Variants in CFAP54 observed in about 807,000 individuals in gnomAD.
CFAP54 encodes cilia- and flagella-associated protein 54.
A neutral mutation model predicts 370.4 loss-of-function variants in CFAP54; 290 were observed. The ratio of observed to expected loss-of-function variants is 0.78; its 90% CI spans 0.71 to 0.86. The LOEUF is 0.86. Ranked by LOEUF, CFAP54 falls within the 40% of genes least tolerant of loss-of-function variation. The pLI, the probability that CFAP54 is intolerant of heterozygous loss-of-function variation, is 0.00. For missense variants in CFAP54, 3,399 were observed against 3,528.7 expected (o/e 0.96, Z 0.93); for synonymous variants, 1,206 against 1,236.5 (o/e 0.98, Z 0.52).
At chr12:96,548,623 A>G (rs995219316) in intron 15 of CFAP54, among the ~76,000 whole-genome samples, 27 of 152,180 alleles carry the variant, frequency 1.8e-4, no homozygotes, top group East Asian at 5.8e-4. Flanking sequence ...GGGGATGCCA[A>G]CTGAGTACTT....
intron 67 of CFAP54, among the ~76,000 whole-genome samples, chr12:96,865,736 C>T (rs991635325): frequency 3.3e-5 from 5 of 152,048 alleles, no homozygotes; most frequent in African/African-American, 4.8e-5. Context: ...GTTATTGGCT[C>T]GCCTATCAGT....
In CFAP54 at chr12:96,708,702, A is replaced by C. The variant is rs753274365; in HGVS notation, c.6623A>C (p.Tyr2208Ser). Residue 2208 changes from tyrosine to serine, a missense_variant, in exon 48 of 68, where the codon TAC (tyrosine) becomes TCC (serine). By Grantham distance (144) the Tyr-to-Ser change is moderately radical (BLOSUM62 -2). Transcript: ENST00000524981. The stretch of plus-strand genomic sequence containing the variant: ...AATAAGTTTAATTTTGTTAAAGCAT[A>C]CTTTTTCCTAAGTGTGGCTGCGACA... ...LLNKFNFVKA[Y>S]FFLSVAATIN... is the part of the protein sequence containing the mutation. The C allele has an allele frequency of 1.2e-6, 2 of 1,612,336 alleles. No homozygotes were observed. Among genetic ancestry groups the C allele is most frequent in the South Asian group, 1.1e-5 (1 of 90,396 alleles).
In CFAP54 at chr12:96,558,030, A is replaced by G. The variant is rs12297759; in HGVS notation, c.2410+3228A>G. Among the ~76,000 whole-genome samples the G allele has an allele frequency of 9.5e-3, 1,441 of 152,234 alleles. 12 individuals are homozygous for G. Among genetic ancestry groups the G allele is most frequent in the Middle Eastern group, 0.024 (7 of 294 alleles). On this transcript the variant is annotated intron_variant, in intron 17 of 67. Coordinates refer to ENST00000524981, the MANE Select transcript of CFAP54 (RefSeq NM_001306084.2). ...AAAAGAATGACCTTGAGTTTAGGAC[A>G]GTGGTTCCTTTGTGGAGGTGGCAGG...
At chr12:96,806,359 G>A (rs11108701) in intron 63 of CFAP54, among the ~76,000 whole-genome samples, 51,593 of 149,878 alleles carry the variant, frequency 0.34, 9,185 homozygotes, top group South Asian at 0.55. Flanking sequence ...GAGCAAGCAC[G>A]GCATTGAAGA....
chr12:96,798,844 A>T (rs929236967), intron 63 of CFAP54, among the ~76,000 whole-genome samples: 2 of 152,224 alleles, frequency 1.3e-5, no homozygotes, highest in African/African-American at 4.8e-5. Flanking sequence ...AGGCACCTTT[A>T]ATGTTTATCA....
At chr12:96,598,204 T>C (rs905933133) in intron 25 of CFAP54, among the ~76,000 whole-genome samples, 3 of 152,000 alleles carry the variant, frequency 2.0e-5, no homozygotes, top group Non-Finnish European at 4.4e-5. Flanking sequence ...GAGATATGAA[T>C]GTTTGGTTTT....
chr12:96,542,489 TTAAATA>T (rs1278785279), intron 14 of CFAP54, among the ~76,000 whole-genome samples: 1 of 152,198 alleles, frequency 6.6e-6, no homozygotes. Flanking sequence ...ATGCAGAACT[TTAAATA>T]TAAGGTGGAG....
Position 96,806,213 on chromosome 12 carries a change from T to TATATAA in CFAP54, c.8851-5522_8851-5521insTATAAA, listed in dbSNP as rs1392329026. Among the ~76,000 whole-genome samples, 208 of 49,482 alleles carry TATATAA rather than the reference T, an allele frequency of 4.2e-3. 3 individuals are homozygous for TATATAA. The highest frequency in any genetic ancestry group is 5.4e-3 in the Non-Finnish European group (144 of 26,828). 32.5% of individuals were successfully genotyped at this position (49,482 alleles called of 152,430 possible). A position where few individuals can be genotyped will look rare whatever the true frequency, so the allele number is the denominator to read the frequency against. ...ATATATATATATATATATATATATA[T>TATATAA]AATAACAACATAAAAAGAAAGTTGG... On this transcript the variant is annotated intron_variant, in intron 63 of 67. Transcript: ENST00000524981.
At chr12:96,708,824 T>G in intron 48 of CFAP54, 21 bp downstream of exon 48, 1 of 1,570,106 alleles carries the variant, frequency 6.4e-7, no homozygotes, top group Non-Finnish European at 8.7e-7. Context: ...TATTTTTTGC[T>G]TATTTCTCTT....
Position 96,581,114 on chromosome 12 carries a change from GA to G in CFAP54, c.3075+10del. 7.0e-7 allele frequency: 1 copy of G among 1,422,608 alleles called. No homozygotes were observed. The highest frequency in any genetic ancestry group is 2.7e-5 in the East Asian group (1 of 37,542). 88.1% of individuals were successfully genotyped at this position (1,422,608 alleles called of 1,614,324 possible). ...GGATGTTCCTGACACAGGTAGAAAA[GA>G]TTTCTGCTAATTTTTTCCACTGTGT... On this transcript the variant is annotated intron_variant, in intron 22 of 67. Coordinates refer to ENST00000524981, the MANE Select transcript of CFAP54 (RefSeq NM_001306084.2).
intron 32 of CFAP54, among the ~76,000 whole-genome samples, chr12:96,638,797 G>T (rs1956691321): frequency 6.6e-6 from 1 of 151,822 alleles, no homozygotes; most frequent in African/African-American, 2.4e-5. Flanking sequence ...TTATTGTTCT[G>T]GCTAGGCCCA....
At chr12:96,784,319 C>T (rs1958608624) in intron 60 of CFAP54, among the ~76,000 whole-genome samples, 1 of 152,018 alleles carries the variant, frequency 6.6e-6, no homozygotes, top group South Asian at 2.1e-4. Context: ...AATGCTATTT[C>T]ATTTTAATTT....
chr12:96,868,924 TG>T (rs1413574174), intron 67 of CFAP54, among the ~76,000 whole-genome samples: 1 of 152,188 alleles, frequency 6.6e-6, no homozygotes, highest in Non-Finnish European at 1.5e-5. Flanking sequence ...GATGCATTGC[TG>T]TTACTGATCC....
chr12:96,535,691 C>A (rs878958538), intron 12 of CFAP54, 91 bp downstream of exon 12: 17 of 752,018 alleles, frequency 2.3e-5, no homozygotes, highest in Middle Eastern at 2.4e-4. Flanking sequence ...ACAGGAATTA[C>A]GCCTTGCTAA....
intron 26 of CFAP54, among the ~76,000 whole-genome samples, chr12:96,620,817 A>G (rs1283549643): frequency 6.6e-6 from 1 of 152,240 alleles, no homozygotes; most frequent in Non-Finnish European, 1.5e-5. Context: ...AGCTGTATAA[A>G]CAAGGTGCAG....
chr12:96,647,995 AAG>A lies in CFAP54; in HGVS notation c.4670_4671del (p.Arg1557LysfsTer9). 6.6e-7 allele frequency: 1 copy of A among 1,506,436 alleles called. No individual in the cohort carries two copies. The highest frequency in any genetic ancestry group is 1.3e-5 in the South Asian group (1 of 77,468). The allele number at this position is 1,506,436 out of a possible 1,614,324, so 93.3% of individuals were successfully genotyped here. A position where few individuals can be genotyped will look rare whatever the true frequency, so the allele number is the denominator to read the frequency against. On this transcript the variant is annotated frameshift_variant, in exon 34 of 68. Transcript: ENST00000524981. LOFTEE classifies it high-confidence loss of function. ...MLDFLLTAKK[R>X]KANLPSDAEE... Reference sequence around the variant, plus strand: ...TTGATTTCCTTCTTACAGCCAAAAAAAGAAAGGCCAACTTACCATCAGGTAAA... The same window carrying A: ...TTGATTTCCTTCTTACAGCCAAAAAAAAAGGCCAACTTACCATCAGGTAAA...
intron 49 of CFAP54, among the ~76,000 whole-genome samples, chr12:96,720,017 T>A (rs1021275897): frequency 2.6e-5 from 4 of 152,168 alleles, no homozygotes; most frequent in Non-Finnish European, 5.9e-5. Context: ...AAGGAGGCTG[T>A]GTATTGAGCA....
intron 63 of CFAP54, among the ~76,000 whole-genome samples, chr12:96,806,868 C>A (rs570443160): frequency 1.3e-5 from 2 of 152,176 alleles, no homozygotes; most frequent in East Asian, 3.9e-4. Context: ...ATGGCTGTTG[C>A]GACTCAAAGT....
In CFAP54 at chr12:96,720,554, G is replaced by A; in HGVS notation, c.6954G>A (p.Arg2318=). The stretch of plus-strand genomic sequence containing the variant: ...CTGCAGTTGCTCTGCAGAGGCACCG[G>A]GCGGCATACAGGTGCGTCTCTCCAT... ...QLAAVALQRH[R]AAYSAAIVFS... is the part of the protein sequence containing the mutation. Residue 2318 remains arginine, a synonymous_variant, in exon 50 of 68, where the codon CGG becomes CGA. Coordinates refer to ENST00000524981, the MANE Select transcript of CFAP54 (RefSeq NM_001306084.2). The A allele has an allele frequency of 6.4e-7, 1 of 1,551,766 alleles. No individual in the cohort carries two copies. The highest frequency in any genetic ancestry group is 8.7e-7 in the Non-Finnish European group (1 of 1,145,430).
Sources: allele counts gnomAD v4.1 joint callset (sites outside exome capture counted in the v4.1 genomes callset), GRCh38; gene constraint gnomAD v4.1.1; transcripts MANE v1.5; gene names NCBI Gene and HGNC (gene_info 2026-07-23, HGNC 2026-07-21).